Variants in COPG1 observed in about 807,000 individuals in gnomAD.
COPG1 encodes coatomer subunit gamma-1.
Under a neutral mutation model 102.8 loss-of-function variants are expected in COPG1, and 29 were observed. The observed-to-expected ratio is 0.28, with a 90% confidence interval of 0.21 to 0.38. COPG1 has a LOEUF of 0.38. Among genes scored for constraint, COPG1 ranks in the 10% least tolerant of loss-of-function variants. COPG1 has a pLI of 1.00. For synonymous variants in COPG1, 406 were observed against 421.6 expected (o/e 0.96, Z 0.45); for missense variants, 875 against 1,132.7 (o/e 0.77, Z 3.27).
chr3:129,260,867 CTG>C, intron 12 of COPG1, 60 bp downstream of exon 12: 1 of 1,550,106 alleles, frequency 6.5e-7, no homozygotes, highest in Non-Finnish European at 8.8e-7. Flanking sequence ...TCCCTGCTCT[CTG>C]TGGCCACAGC....
At chr3:129,255,167 G>GTTTA in intron 7 of COPG1, 90 bp downstream of exon 7, 1 of 812,830 alleles carries the variant, frequency 1.2e-6, no homozygotes, top group South Asian at 1.6e-5. Flanking sequence ...AAAAGAAAGT[G>GTTTA]TTTCTTTCTT....
At chr3:129,257,102 A>G (rs1397232570) in intron 8 of COPG1, among the ~76,000 whole-genome samples, 1 of 152,182 alleles carries the variant, frequency 6.6e-6, no homozygotes, top group African/African-American at 2.4e-5. Flanking sequence ...AAACATGACA[A>G]TGCTCAGGGT....
chr3:129,271,828 G>A lies in COPG1; in HGVS notation c.1905G>A (p.Glu635=), dbSNP rs1246716650. 2.5e-6 allele frequency: 4 copies of A among 1,614,192 alleles called. No homozygotes were observed. The highest frequency in any genetic ancestry group is 2.2e-5 in the South Asian group (2 of 91,084). Reference sequence around the variant, plus strand: ...GGCCCCTCTTCAAGTCCTCGCCTGAGCCCGTGGCCCTCACCGAGTCAGAGA... The same window carrying A: ...GGCCCCTCTTCAAGTCCTCGCCTGAACCCGTGGCCCTCACCGAGTCAGAGA... ...GLGPLFKSSP[E]PVALTESETE... Residue 635 remains glutamate (E), a synonymous_variant, in exon 19 of 24, where the codon GAG becomes GAA. Transcript: ENST00000314797. The surrounding 1 kb of genome is among the most constrained non-coding windows in gnomAD (Gnocchi z 4.7).
chr3:129,277,077 C>T (rs1940286172), intron 23 of COPG1, among the ~76,000 whole-genome samples: 2 of 151,926 alleles, frequency 1.3e-5, no homozygotes, highest in South Asian at 4.1e-4. Flanking sequence ...CCACCTCAGC[C>T]TCCCAAAGTG....
At chr3:129,252,412 G>A (rs768532565) in intron 3 of COPG1, 51 bp downstream of exon 3, 9 of 1,328,164 alleles carry the variant, frequency 6.8e-6, no homozygotes, top group Non-Finnish European at 7.6e-6. Context: ...GGGATTGGAG[G>A]GGAGTGGACA....
At chr3:129,249,793 C>T (rs1392510632) in intron 1 of COPG1, 47 bp downstream of exon 1, 1 of 1,536,992 alleles carries the variant, frequency 6.5e-7, no homozygotes, top group Admixed American at 2.0e-5. Context: ...CCCCCACCCG[C>T]CGAGCTTTCC....
At position 129,260,412 on chromosome 3, in the gene COPG1, G is replaced by C. The variant is rs1939904056; in HGVS notation, c.939+12G>C. On this transcript the variant is annotated intron_variant, in intron 11 of 23. Coordinates refer to ENST00000314797, the MANE Select transcript of COPG1 (RefSeq NM_016128.4). ...GTACCCTCAATAAGGTAAGAGTCCA[G>C]CTTGGGGGTTGGAGGAAGCTGTCTG... 7 of 1,613,408 alleles carry C rather than the reference G, an allele frequency of 4.3e-6. No individual in the cohort carries two copies. The highest frequency in any genetic ancestry group is 5.9e-6 in the Non-Finnish European group (7 of 1,179,494).
At chr3:129,273,854 C>T (rs1039103087) in intron 21 of COPG1, among the ~76,000 whole-genome samples, 3 of 152,142 alleles carry the variant, frequency 2.0e-5, no homozygotes, top group African/African-American at 7.2e-5. Flanking sequence ...TCCTTTCATG[C>T]ACTGGAATAG....
At position 129,267,019 on chromosome 3, in the gene COPG1, C is replaced by T. The variant is rs1940074503; in HGVS notation, c.1469-5C>T. On this transcript the variant is annotated splice_region_variant and splice_polypyrimidine_tract_variant and intron_variant, in intron 14 of 23. Transcript: ENST00000314797. ...GGGTAAATCACATTCGCTTCCTAAACACAGGTGCTGTGAGTGCTCTGGCGA... is the reference window on the plus strand; with the variant it reads ...GGGTAAATCACATTCGCTTCCTAAATACAGGTGCTGTGAGTGCTCTGGCGA... 1 of 1,613,148 alleles carries T rather than the reference C, an allele frequency of 6.2e-7. No individual in the cohort carries two copies. The highest frequency in any genetic ancestry group is 1.3e-5 in the African/African-American group (1 of 74,892).
chr3:129,269,962 T>C (rs1349697323), intron 18 of COPG1, among the ~76,000 whole-genome samples: 3 of 150,310 alleles, frequency 2.0e-5, no homozygotes, highest in South Asian at 4.3e-4. Flanking sequence ...GCCCGTATCC[T>C]TGGCTCGTGG....
In COPG1 at chr3:129,272,315, C is replaced by T. The variant is rs200208342; in HGVS notation, c.2058C>T (p.Ala686=). 1.2e-6 allele frequency: 2 copies of T among 1,614,018 alleles called. No homozygotes were observed. Among genetic ancestry groups the T allele is most frequent in the East Asian group, 4.5e-5 (2 of 44,882 alleles). ...CAGTGCAGATGGAGCCCACTGAGGC[C>T]TATGAGGTGCTCTGTTACGTGCCTG... is the stretch of plus-strand genomic sequence containing the variant. ...NVTVQMEPTE[A]YEVLCYVPAR... is the part of the protein sequence containing the mutation. Residue 686 remains alanine (A), a synonymous_variant, in exon 20 of 24, where the codon GCC becomes GCT. Transcript: ENST00000314797.
intron 18 of COPG1, 58 bp downstream of exon 18, chr3:129,269,058 C>T: frequency 6.9e-7 from 1 of 1,444,118 alleles, no homozygotes; most frequent in East Asian, 2.3e-5. Context: ...TCAGGGGGTT[C>T]AAGAGTAAGA....
At chr3:129,260,889 A>G in intron 12 of COPG1, 82 bp downstream of exon 12, 2 of 1,436,310 alleles carry the variant, frequency 1.4e-6, no homozygotes, top group Non-Finnish European at 1.9e-6. Context: ...CCTTCCTGCC[A>G]GGACTGACCT....
At chr3:129,261,630 A>G (rs946631760) in intron 12 of COPG1, among the ~76,000 whole-genome samples, 6 of 124,500 alleles carry the variant, frequency 4.8e-5, no homozygotes, top group African/African-American at 1.5e-4. Flanking sequence ...ACCCTCTCCT[A>G]CAGTGCCAGC....
chr3:129,268,604 G>A lies in COPG1; in HGVS notation c.1758G>A (p.Met586Ile), dbSNP rs1375070337. ...LKSVPLATAP[M>I]AEQRTESTPI... ...CTGTGCCCCTGGCCACGGCGCCCAT[G>A]GCAGAGCAGAGAACAGGTAACACTT... Residue 586 changes from methionine to isoleucine, a missense_variant, in exon 17 of 24, where the codon ATG becomes ATA. Met to Ile is a conservative substitution (Grantham distance 10). Transcript: ENST00000314797. 1.9e-6 allele frequency: 3 copies of A among 1,614,064 alleles called. No individual in the cohort carries two copies. Among genetic ancestry groups the A allele is most frequent in the Admixed American group, 3.3e-5 (2 of 60,010 alleles).
At chr3:129,250,461 G>A (rs17523203) in intron 1 of COPG1, among the ~76,000 whole-genome samples, 1 of 152,174 alleles carries the variant, frequency 6.6e-6, no homozygotes, top group Non-Finnish European at 1.5e-5. Context: ...ACTGTACCAG[G>A]GCTGCTGGGA....
At chr3:129,269,853 C>T (rs992723885) in intron 18 of COPG1, among the ~76,000 whole-genome samples, 2 of 151,804 alleles carry the variant, frequency 1.3e-5, no homozygotes, top group African/African-American at 2.4e-5. Flanking sequence ...TATAGCTCTG[C>T]GGTCAGAAGT....
At chr3:129,266,024 T>C (rs1230329324) in intron 14 of COPG1, among the ~76,000 whole-genome samples, 1 of 151,992 alleles carries the variant, frequency 6.6e-6, no homozygotes, top group Non-Finnish European at 1.5e-5. Context: ...CAGGCTGGAA[T>C]GCAGTGGCGC....
chr3:129,268,838 T>C, intron 17 of COPG1, 94 bp from the exon 18 acceptor site: 1 of 1,255,906 alleles, frequency 8.0e-7, no homozygotes, highest in Non-Finnish European at 1.2e-6. Flanking sequence ...GGAGGGTTAG[T>C]ATTTATAATC....
Sources: allele counts gnomAD v4.1 joint callset (sites outside exome capture counted in the v4.1 genomes callset), GRCh38; gene constraint gnomAD v4.1.1; non-coding constraint Gnocchi (gnomAD v3.1); transcripts MANE v1.5; gene names NCBI Gene and HGNC (gene_info 2026-07-23, HGNC 2026-07-21).